Variants in ZNF385D observed in about 807,000 individuals in gnomAD.
ZNF385D encodes the protein zinc finger protein 659.
Under a neutral mutation model 35.8 loss-of-function variants are expected in ZNF385D, and 15 were observed. The ratio of observed to expected loss-of-function variants is 0.42; its 90% confidence interval spans 0.28 to 0.64. The LOEUF is 0.64. ZNF385D is among the 30% of genes least tolerant of loss of function. The probability of loss-of-function intolerance (pLI) is 0.23; values close to 1 mark genes in which losing one functional copy is unlikely to be tolerated. For synonymous variants in ZNF385D, 212 were observed against 186.8 expected (o/e 1.13, Z -1.10); for missense variants, 474 against 494.6 (o/e 0.96, Z 0.39).
rs180742789 is a variant in ZNF385D at position 22,071,080 on chromosome 3, G to A, written c.325+97737C>T. ...ACACTTTGAAATAGAAAGGTAACAT[G>A]ATATTTATGACATAGCTCAGTCCTG... On this transcript the variant is annotated intron_variant, in intron 3 of 5. Coordinates refer to the ZNF385D transcript ENST00000494108. Among the ~76,000 whole-genome samples, 209 of 152,226 alleles carry A rather than the reference G, an allele frequency of 1.4e-3. 1 individual carries two copies. The highest frequency in any genetic ancestry group is 2.3e-3 in the Non-Finnish European group (156 of 67,980).
chr3:22,139,770 C>CA (rs201133980), intron 3 of ZNF385D, among the ~76,000 whole-genome samples: 7,568 of 150,670 alleles, frequency 0.05, 320 homozygotes, highest in African/African-American at 0.12. Context: ...TATAATAAAA[C>CA]AAAAAAAAGA....
chr3:22,196,287 G>T (rs1316096991), intron 2 of ZNF385D, among the ~76,000 whole-genome samples: 1 of 151,972 alleles, frequency 6.6e-6, no homozygotes, highest in Non-Finnish European at 1.5e-5. Context: ...TACCGACTTT[G>T]TTTTGTTCAG....
intron 1 of ZNF385D, among the ~76,000 whole-genome samples, chr3:21,682,863 A>G (rs2066961810): frequency 6.7e-6 from 1 of 150,022 alleles, no homozygotes. Flanking sequence ...ACAAATGGGC[A>G]TACCTATGTA....
intron 3 of ZNF385D, among the ~76,000 whole-genome samples, chr3:22,108,445 G>C (rs1702340649): frequency 6.6e-6 from 1 of 151,862 alleles, no homozygotes; most frequent in Admixed American, 6.6e-5. Flanking sequence ...TGCAACTATA[G>C]CTTCCTGATG....
intron 1 of ZNF385D, among the ~76,000 whole-genome samples, chr3:21,712,293 C>A (rs2068142412): frequency 2.0e-5 from 3 of 152,158 alleles, no homozygotes; most frequent in African/African-American, 7.2e-5. Flanking sequence ...ATCTGAGACC[C>A]ATGTTACAGA....
Position 21,564,139 on chromosome 3 carries a change from T to C in ZNF385D, c.276+435A>G, listed in dbSNP as rs372347780. Among the ~76,000 whole-genome samples the C allele has an allele frequency of 9.2e-5, 14 of 152,266 alleles. No individual in the cohort carries two copies. The Middle Eastern group carries it at 0.014, about 148-fold the overall frequency. ...TATAATTAAGGACATAGCGGTAATA[T>C]GGAATTTGAGGCCTCCATTCCAGGC... On this transcript the variant is annotated intron_variant, in intron 3 of 7. Coordinates refer to ENST00000281523, the MANE Select transcript of ZNF385D (RefSeq NM_024697.3).
At chr3:21,874,217 T>C (rs987809018) in intron 3 of ZNF385D, among the ~76,000 whole-genome samples, 1 of 152,062 alleles carries the variant, frequency 6.6e-6, no homozygotes, top group Non-Finnish European at 1.5e-5. Context: ...CAATATTTCA[T>C]TGTGGTTATG....
chr3:21,481,601 T>C (rs1704632349), intron 4 of ZNF385D, among the ~76,000 whole-genome samples: 1 of 152,074 alleles, frequency 6.6e-6, no homozygotes, highest in Non-Finnish European at 1.5e-5. Context: ...TGATATTAGC[T>C]CAGTACAAAC....
At chr3:21,751,782 G>T (rs1170221507), upstream of ZNF385D, among the ~76,000 whole-genome samples, 1 of 152,080 alleles carries the variant, frequency 6.6e-6, no homozygotes, top group Non-Finnish European at 1.5e-5. Context: ...GAGCTATTAT[G>T]TTGATAGAAA....
chr3:21,788,720 C>G (rs1320848316), intron 3 of ZNF385D, among the ~76,000 whole-genome samples: 1 of 152,212 alleles, frequency 6.6e-6, no homozygotes, highest in Non-Finnish European at 1.5e-5. Context: ...CTCCTCCATG[C>G]TCTTCCTCTC....
At chr3:21,768,023 G>A (rs1457898309) in intron 3 of ZNF385D, among the ~76,000 whole-genome samples, 1 of 151,950 alleles carries the variant, frequency 6.6e-6, no homozygotes, top group Non-Finnish European at 1.5e-5. Flanking sequence ...AAGCATGAGG[G>A]AACTGTAACA....
At chr3:21,892,173 A>G (rs1040739451) in intron 3 of ZNF385D, among the ~76,000 whole-genome samples, 1 of 152,200 alleles carries the variant, frequency 6.6e-6, no homozygotes, top group African/African-American at 2.4e-5. Flanking sequence ...AAACACCTCA[A>G]ATGAAATCTT....
At chr3:22,121,358 A>G (rs1022360065) in intron 3 of ZNF385D, among the ~76,000 whole-genome samples, 2 of 152,338 alleles carry the variant, frequency 1.3e-5, no homozygotes, top group Middle Eastern at 3.4e-3. Flanking sequence ...ATCAATCTGC[A>G]GTCTGCAGCC....
intron 4 of ZNF385D, among the ~76,000 whole-genome samples, chr3:21,487,731 A>C (rs1438258308): frequency 6.6e-6 from 1 of 152,118 alleles, no homozygotes; most frequent in Non-Finnish European, 1.5e-5. Flanking sequence ...TGCTGACGTC[A>C]CATCTTGGTT....
In ZNF385D at chr3:22,351,605, C is replaced by T. The variant is rs548046891; in HGVS notation, c.106+20845G>A. 2.0e-5 allele frequency among the ~76,000 whole-genome samples: 3 copies of T among 152,200 alleles called. No individual in the cohort carries two copies. In the East Asian group the frequency reaches 5.8e-4, roughly 29 times the overall value. ...ACAAATATAGCTTCAAATACAAATA[C>T]ATCCAATAACTCTGTATAATGAGAG... On this transcript the variant is annotated intron_variant, in intron 2 of 5. Coordinates refer to the ZNF385D transcript ENST00000494108.
intron 3 of ZNF385D, among the ~76,000 whole-genome samples, chr3:21,910,769 A>C (rs887144724): frequency 1.3e-5 from 2 of 151,792 alleles, no homozygotes; most frequent in African/African-American, 4.8e-5. Context: ...ACGGAATACA[A>C]AGAATACTAG....
intron 2 of ZNF385D, among the ~76,000 whole-genome samples, chr3:21,594,641 G>C (rs986170906): frequency 3.3e-5 from 5 of 152,092 alleles, no homozygotes; most frequent in African/African-American, 1.2e-4. Flanking sequence ...TAGCCACCGG[G>C]AATTTAAAGC....
intron 1 of ZNF385D, among the ~76,000 whole-genome samples, chr3:21,702,191 G>A (rs1476016935): frequency 4.6e-5 from 7 of 152,192 alleles, no homozygotes; most frequent in Admixed American, 4.6e-4. Context: ...GCATCCAGGC[G>A]TTTCAATATA....
At chr3:21,916,978 T>G (rs531845153) in intron 3 of ZNF385D, among the ~76,000 whole-genome samples, 1 of 152,350 alleles carries the variant, frequency 6.6e-6, no homozygotes, top group African/African-American at 2.4e-5. Flanking sequence ...GTTGTTATCA[T>G]GTTCTCTGCT....
Sources: allele counts gnomAD v4.1 joint callset (sites outside exome capture counted in the v4.1 genomes callset), GRCh38; gene constraint gnomAD v4.1.1; transcripts MANE v1.5; gene names NCBI Gene and HGNC (gene_info 2026-07-23, HGNC 2026-07-21).